NOVA1: variants seen among roughly 807,000 people sequenced by gnomAD.
NOVA1 encodes NOVA alternative splicing regulator 1, also known as RNA-binding protein Nova-1.
Under a neutral mutation model 38.0 loss-of-function variants are expected in NOVA1, and 7 were observed. The observed-to-expected ratio is 0.18, with a 90% CI of 0.10 to 0.35. NOVA1 has a LOEUF of 0.35. Among genes scored for constraint, NOVA1 ranks in the 10% least tolerant of loss-of-function variants. The pLI, the probability that NOVA1 is intolerant of heterozygous loss-of-function variation, is 1.00. For synonymous variants in NOVA1, 270 were observed against 232.5 expected, an observed-to-expected ratio of 1.16 and a Z score of -1.47; for missense variants, 460 against 616.0, an observed-to-expected ratio of 0.75 and a Z score of 2.68.
intron 2 of NOVA1, among the ~76,000 whole-genome samples, chr14:26,503,777 A>G (rs61986469): frequency 0.042 from 6,377 of 152,168 alleles, 198 homozygotes; most frequent in South Asian, 0.098. Context: ...CTGATTCATC[A>G]TGATAAACCA....
chr14:26,580,376 CAAAT>C (rs928332167), intron 2 of NOVA1, among the ~76,000 whole-genome samples: 21 of 152,068 alleles, frequency 1.4e-4, no homozygotes, highest in South Asian at 4.1e-4. Context: ...AGTTATAAAA[CAAAT>C]AAATCCATAT....
intron 2 of NOVA1, chr14:26,568,320 T>C (rs571260974): frequency 2.6e-5 from 4 of 152,240 alleles, no homozygotes; most frequent in African/African-American, 9.6e-5. Context: ...TTAAACCCCA[T>C]AGAGGCAGTG....
rs558738043 is a variant in NOVA1 at position 26,453,212 on chromosome 14, T to G, written c.520-4249A>C. On this transcript the variant is annotated intron_variant, in intron 4 of 4. Coordinates refer to ENST00000539517, the MANE Select transcript of NOVA1 (RefSeq NM_002515.3). The stretch of plus-strand genomic sequence containing the variant: ...TGTATGTATGTATGTATGTATGTAT[T>G]TATTTATTTTTAGAGAGGGGGGTCT... 1.8e-3 allele frequency among the ~76,000 whole-genome samples: 262 copies of G among 142,792 alleles called. 1 individual carries two copies. Among genetic ancestry groups the G allele is most frequent in the African/African-American group, 7.0e-3 (257 of 36,628 alleles). 93.7% of individuals were successfully genotyped at this position (142,792 alleles called of 152,430 possible).
chr14:26,492,784 T>C (rs553514238), intron 2 of NOVA1, among the ~76,000 whole-genome samples: 2 of 132,564 alleles, frequency 1.5e-5, no homozygotes, highest in South Asian at 2.8e-4. Flanking sequence ...CTGGCCAACA[T>C]GGTGAAACCC....
At chr14:26,472,215 T>C (rs753049168) in intron 4 of NOVA1, 105 bp downstream of exon 4, 3 of 723,864 alleles carry the variant, frequency 4.1e-6, no homozygotes, top group African/African-American at 3.5e-5. Flanking sequence ...ATGGTGCATA[T>C]ATGTGAATGA....
At chr14:26,454,497 A>G (rs1222044875) in intron 4 of NOVA1, among the ~76,000 whole-genome samples, 1 of 152,132 alleles carries the variant, frequency 6.6e-6, no homozygotes, top group Non-Finnish European at 1.5e-5. Context: ...AATGAAGTTA[A>G]CTCAGATAAA....
intron 2 of NOVA1, among the ~76,000 whole-genome samples, 178 bp downstream of exon 2, chr14:26,595,232 A>G (rs1450076079): frequency 6.6e-6 from 1 of 152,194 alleles, no homozygotes; most frequent in Non-Finnish European, 1.5e-5. Flanking sequence ...TATAGGAAAA[A>G]GGCATAATCA....
rs1010717628 is a variant in NOVA1, at chr14:26,593,523, G to T, written c.280+1887C>A. On this transcript the variant is annotated intron_variant, in intron 2 of 4. Transcript: ENST00000539517. ...TGTGATTGGTTTCCACCTGTTACCG[G>T]TAAAGTATAGACTTCTTTTATCCAA... The T allele has an allele frequency of 6.8e-4, 103 of 150,780 alleles. 1 individual carries two copies. The highest frequency in any genetic ancestry group is 2.3e-3 in the African/African-American group (96 of 41,390). 9.3% of individuals were successfully genotyped at this position (150,780 alleles called of 1,614,324 possible). A position where few individuals can be genotyped will look rare whatever the true frequency, so the allele number is the denominator to read the frequency against.
chr14:26,562,860 G>A (rs1168180258), intron 2 of NOVA1, among the ~76,000 whole-genome samples: 1 of 152,040 alleles, frequency 6.6e-6, no homozygotes, highest in Non-Finnish European at 1.5e-5. Context: ...AAATGTTCCT[G>A]AACTACAACT....
At chr14:26,489,939 C>A (rs1886206727) in intron 2 of NOVA1, among the ~76,000 whole-genome samples, 1 of 152,130 alleles carries the variant, frequency 6.6e-6, no homozygotes, top group African/African-American at 2.4e-5. Context: ...AAATGTTGTA[C>A]ATATACTCTC....
chr14:26,539,225 T>C (rs762964604), intron 2 of NOVA1, among the ~76,000 whole-genome samples: 3 of 152,034 alleles, frequency 2.0e-5, no homozygotes. Flanking sequence ...TATTACTAAA[T>C]AAACACTGAA....
intron 2 of NOVA1, among the ~76,000 whole-genome samples, chr14:26,594,919 A>G (rs1413272393): frequency 6.6e-6 from 1 of 152,114 alleles, no homozygotes; most frequent in Non-Finnish European, 1.5e-5. Flanking sequence ...AAGAGGCAAC[A>G]CTTGTCCTCT....
intron 4 of NOVA1, among the ~76,000 whole-genome samples, chr14:26,456,909 T>C (rs1346846586): frequency 6.6e-6 from 1 of 151,694 alleles, no homozygotes; most frequent in East Asian, 1.9e-4. Flanking sequence ...TAAAATGATG[T>C]AGAAAATAGC....
intron 2 of NOVA1, among the ~76,000 whole-genome samples, chr14:26,592,494 A>T (rs906752814): frequency 1.3e-5 from 2 of 151,494 alleles, no homozygotes; most frequent in African/African-American, 4.8e-5. Flanking sequence ...TACGTAGTAC[A>T]GCAAAAATGA....
intron 2 of NOVA1, among the ~76,000 whole-genome samples, chr14:26,520,943 CT>C (rs1699315139): frequency 6.6e-6 from 1 of 152,116 alleles, no homozygotes; most frequent in Non-Finnish European, 1.5e-5. Flanking sequence ...TCTTAATCCC[CT>C]GTCATCCAAT....
rs543623753 is a variant in NOVA1, at chr14:26,474,428, T to A, written c.448-2037A>T. ...TGCAAATTGAACTTTTAATTAAAAT[T>A]AAAATTTAATATCGAATGGCTCAGA... is the stretch of plus-strand genomic sequence containing the variant. On this transcript the variant is annotated intron_variant, in intron 3 of 4. Transcript: ENST00000539517. Among the ~76,000 whole-genome samples, 222 of 152,186 alleles carry A rather than the reference T, an allele frequency of 1.5e-3. 2 individuals carry two copies. The highest frequency in any genetic ancestry group is 4.9e-4 in the Non-Finnish European group (33 of 67,928).
chr14:26,481,226 A>G (rs1174489189), intron 2 of NOVA1, among the ~76,000 whole-genome samples: 1 of 152,094 alleles, frequency 6.6e-6, no homozygotes, highest in African/African-American at 2.4e-5. Flanking sequence ...AAATTTATAA[A>G]AGAGTTTTTG....
At chr14:26,590,207 G>A (rs1374542465) in intron 2 of NOVA1, among the ~76,000 whole-genome samples, 3 of 151,914 alleles carry the variant, frequency 2.0e-5, no homozygotes, top group Admixed American at 1.3e-4. Flanking sequence ...CCTGCTGCAG[G>A]CTGCAATGAT....
At chr14:26,501,953 A>G (rs1380302836) in intron 2 of NOVA1, among the ~76,000 whole-genome samples, 1 of 151,986 alleles carries the variant, frequency 6.6e-6, no homozygotes, top group Non-Finnish European at 1.5e-5. Context: ...TAAGTGCTAC[A>G]AGAGAAATAG....
Sources: gnomAD v4.1 joint callset for allele counts (sites outside exome capture counted in the v4.1 genomes callset) on GRCh38, gnomAD v4.1.1 for gene constraint, MANE v1.5 for transcripts, NCBI Gene and HGNC (gene_info 2026-07-23, HGNC 2026-07-21) for gene names.